NRIP2: variants seen among roughly 807,000 people sequenced by gnomAD.
NRIP2 encodes the protein nuclear receptor-interacting protein 2.
A neutral mutation model predicts 34.1 loss-of-function variants in NRIP2; 27 were observed. That is an observed-to-expected ratio of 0.79 (90% CI 0.58 to 1.09). The LOEUF (loss-of-function observed/expected upper bound fraction) is 1.09. Ranked by LOEUF, NRIP2 falls within the 50% of genes least tolerant of loss-of-function variation. The pLI, the probability that NRIP2 is intolerant of heterozygous loss-of-function variation, is 0.00. For synonymous variants in NRIP2, 145 were observed against 146.9 expected, an observed-to-expected ratio of 0.99 and a Z score of 0.09; for missense variants, 385 against 352.6, an observed-to-expected ratio of 1.09 and a Z score of -0.74.
chr12:2,828,256 A>G (rs777100354), intron 3 of NRIP2, 76 bp downstream of exon 3: 121 of 1,324,564 alleles, frequency 9.1e-5, no homozygotes, highest in Non-Finnish European at 1.3e-4. Flanking sequence ...TGTCGTCACT[A>G]TCTAATTTGA....
chr12:2,830,459 A>G, intron 2 of NRIP2: 1 of 440,496 alleles, frequency 2.3e-6, no homozygotes, highest in Non-Finnish European at 4.0e-6. Flanking sequence ...TACTTACTTA[A>G]TTTAAGTATT....
rs1248967733 is a variant in NRIP2, at chr12:2,827,768, C to T, written c.701-91G>A. 13 of 1,609,088 alleles carry T rather than the reference C, an allele frequency of 8.1e-6. No individual in the cohort carries two copies. Among genetic ancestry groups the T allele is most frequent in the Middle Eastern group, 2.1e-4 (1 of 4,722 alleles). On this transcript the variant is annotated intron_variant, in intron 4 of 5. Coordinates refer to ENST00000337508, the MANE Select transcript of NRIP2 (RefSeq NM_031474.3). This position sits in a 1 kb window ranked among gnomAD's most constrained non-coding sequence, Gnocchi z 4.0. Reference sequence around the variant, plus strand: ...AGCCGTTGCTCCTTCTCTGCCCACCCCATCCCCAGATCCGAGGACACTGGC... The same window carrying T: ...AGCCGTTGCTCCTTCTCTGCCCACCTCATCCCCAGATCCGAGGACACTGGC...
rs2097974429 is a variant in NRIP2 at position 2,827,520 on chromosome 12, C to G, written c.753+105G>C. 6 of 1,578,756 alleles carry G rather than the reference C, an allele frequency of 3.8e-6. No homozygotes were observed. The East Asian group carries it at 1.3e-4, about 35-fold the overall frequency. On this transcript the variant is annotated intron_variant, in intron 5 of 5. Transcript: ENST00000337508. This position sits in a 1 kb window ranked among gnomAD's most constrained non-coding sequence, Gnocchi z 4.0. ...CTCTAAGGAAGCAAAGGGACAGTTGCCCATCTCTAAGTCACTCTCATCAGA... is the reference window on the plus strand; with the variant it reads ...CTCTAAGGAAGCAAAGGGACAGTTGGCCATCTCTAAGTCACTCTCATCAGA...
intron 1 of NRIP2, among the ~76,000 whole-genome samples, chr12:2,833,729 G>A (rs1555087471): frequency 2.0e-5 from 3 of 152,150 alleles, no homozygotes; most frequent in East Asian, 3.9e-4. Context: ...ATAGCTGGGG[G>A]AATAATAATA....
chr12:2,829,350 A>G (rs1470951785), intron 2 of NRIP2, among the ~76,000 whole-genome samples: 1 of 152,248 alleles, frequency 6.6e-6, no homozygotes, highest in Non-Finnish European at 1.5e-5. Flanking sequence ...TCTCATTCCA[A>G]ACATTCATTG....
chr12:2,826,862 G>C lies in NRIP2; in HGVS notation c.*345C>G. 1 of 502,576 alleles carries C rather than the reference G, an allele frequency of 2.0e-6. No individual in the cohort carries two copies. 31.1% of individuals were successfully genotyped at this position (502,576 alleles called of 1,614,324 possible). A position where few individuals can be genotyped will look rare whatever the true frequency, so the allele number is the denominator to read the frequency against. ...GGGGTGGTATTGGGTGATGGACAAGGACAGCAGTCAGCAGAGCCTTCGACC... is the reference window on the plus strand; with the variant it reads ...GGGGTGGTATTGGGTGATGGACAAGCACAGCAGTCAGCAGAGCCTTCGACC... On this transcript the variant is annotated 3_prime_UTR_variant, in exon 6 of 6. Coordinates refer to ENST00000337508, the MANE Select transcript of NRIP2 (RefSeq NM_031474.3).
Position 2,827,576 on chromosome 12 carries a change from T to C in NRIP2, c.753+49A>G, listed in dbSNP as rs1170702416. The stretch of plus-strand genomic sequence containing the variant: ...GTCCAGGTTCCACACCTGTGCCTTC[T>C]ACTACTTTTTCCCAGTGCTTTGGGT... On this transcript the variant is annotated intron_variant, in intron 5 of 5. Coordinates refer to ENST00000337508, the MANE Select transcript of NRIP2 (RefSeq NM_031474.3). The surrounding 1 kb of genome is among the most constrained non-coding windows in gnomAD (Gnocchi z 4.0). 5 of 1,613,754 alleles carry C rather than the reference T, an allele frequency of 3.1e-6. No homozygotes were observed. The South Asian group carries it at 4.4e-5, about 14-fold the overall frequency.
In NRIP2 at chr12:2,827,919, G is replaced by T. The variant is rs975401424; in HGVS notation, c.700+7C>A. Reference sequence around the variant, plus strand: ...GCACCAGGGCTGTTGCAGAAGGGGGGACTTACCCACCACCTGTGCCGAGCA... The same window carrying T: ...GCACCAGGGCTGTTGCAGAAGGGGGTACTTACCCACCACCTGTGCCGAGCA... On this transcript the variant is annotated splice_region_variant and intron_variant, in intron 4 of 5. Transcript: ENST00000337508. The surrounding 1 kb of genome is among the most constrained non-coding windows in gnomAD (Gnocchi z 4.0). The T allele has an allele frequency of 2.7e-5, 44 of 1,613,948 alleles. No homozygotes were observed. Among genetic ancestry groups the T allele is most frequent in the Non-Finnish European group, 3.6e-5 (42 of 1,180,026 alleles).
intron 1 of NRIP2, among the ~76,000 whole-genome samples, chr12:2,831,733 T>C (rs1326035022): frequency 2.6e-5 from 4 of 152,030 alleles, no homozygotes; most frequent in Admixed American, 2.6e-4. Flanking sequence ...AATCTGTCCC[T>C]CCTTTCCTTC....
At position 2,828,395 on chromosome 12, in the gene NRIP2, C is replaced by G. The variant is rs1372230310; in HGVS notation, c.515G>C (p.Arg172Thr). The change falls in exon 3 of 6, where the codon AGA becomes ACA. Residue 172 changes from arginine (R) to threonine (T), a missense_variant. Coordinates refer to ENST00000337508, the MANE Select transcript of NRIP2 (RefSeq NM_031474.3). ...VNCKCQDQLL[R>T]VAVDTGTQYN... Reference sequence around the variant, plus strand: ...TTGGGTGCCTGTGTCAACGGCCACTCTAAGCAGCTGGTCCTGGCACTAAGA... The same window carrying G: ...TTGGGTGCCTGTGTCAACGGCCACTGTAAGCAGCTGGTCCTGGCACTAAGA... 1 of 1,614,006 alleles carries G rather than the reference C, an allele frequency of 6.2e-7. No homozygotes were observed. Among genetic ancestry groups the G allele is most frequent in the Non-Finnish European group, 8.5e-7 (1 of 1,180,018 alleles).
In NRIP2 at chr12:2,828,065, G is replaced by A. The variant is rs764442099; in HGVS notation, c.579-18C>T. 1 of 1,603,496 alleles carries A rather than the reference G, an allele frequency of 6.2e-7. No homozygotes were observed. Among genetic ancestry groups the A allele is most frequent in the Admixed American group, 1.7e-5 (1 of 59,532 alleles). On this transcript the variant is annotated intron_variant, in intron 3 of 5. Coordinates refer to ENST00000337508, the MANE Select transcript of NRIP2 (RefSeq NM_031474.3). ...TCTCTAACCTGTGGTTGGGAAGCAAGGGTTATGGCTACCACAGCCCCTAGA... is the reference window on the plus strand; with the variant it reads ...TCTCTAACCTGTGGTTGGGAAGCAAAGGTTATGGCTACCACAGCCCCTAGA...
intron 1 of NRIP2, among the ~76,000 whole-genome samples, chr12:2,831,816 C>CT (rs1440074015): frequency 2.0e-5 from 3 of 152,100 alleles, no homozygotes; most frequent in Non-Finnish European, 4.4e-5. Flanking sequence ...AGACTGGACT[C>CT]TAATTCCTTG....
chr12:2,828,148 C>A, intron 3 of NRIP2, 101 bp from the exon 4 acceptor site: 1 of 1,256,230 alleles, frequency 8.0e-7, no homozygotes, highest in Non-Finnish European at 1.1e-6. Context: ...ATCTCCAACC[C>A]CTGACCTCAC....
In NRIP2 at chr12:2,828,344, A is replaced by G. The variant is rs1482490845; in HGVS notation, c.566T>C (p.Leu189Pro). 3 of 1,614,026 alleles carry G rather than the reference A, an allele frequency of 1.9e-6. No homozygotes were observed. The highest frequency in any genetic ancestry group is 1.7e-6 in the Non-Finnish European group (2 of 1,180,012). ...GCCACATTCTTACCCCAGGCGGCTG[A>G]GACATCCAGCAGAGATCCGATTGTA... ...TQYNRISAGC[L>P]SRLGLEKRVL... Residue 189 changes from leucine (L) to proline (P), a missense_variant, in exon 3 of 6, where the codon CTC becomes CCC. Physicochemically the swap from Leu to Pro is moderately conservative, Grantham distance 98. Coordinates refer to ENST00000337508, the MANE Select transcript of NRIP2 (RefSeq NM_031474.3).
intron 1 of NRIP2, among the ~76,000 whole-genome samples, chr12:2,832,620 TC>T (rs916629567): frequency 8.6e-5 from 13 of 151,572 alleles, no homozygotes; most frequent in African/African-American, 3.2e-4. Flanking sequence ...CAAGCTGGGG[TC>T]CCTTGTCTTA....
At position 2,828,043 on chromosome 12, in the gene NRIP2, C is replaced by T. The variant is rs1196087647; in HGVS notation, c.583G>A (p.Glu195Lys). The change falls in exon 4 of 6, where the codon GAG (glutamate) becomes AAG (lysine). Residue 195 changes from glutamate (E) to lysine (K), a missense_variant. Glu to Lys is a moderately conservative substitution (Grantham distance 56). Coordinates refer to ENST00000337508, the MANE Select transcript of NRIP2 (RefSeq NM_031474.3). Reference protein sequence around the residue: ...SAGCLSRLGLEKRVLKASAGD... With the variant: ...SAGCLSRLGLKKRVLKASAGD... The stretch of plus-strand genomic sequence containing the variant: ...GCTGAGGCTTTTAGGACCCTTTTCT[C>T]TAACCTGTGGTTGGGAAGCAAGGGT... 6.2e-7 allele frequency: 1 copy of T among 1,613,196 alleles called. No individual in the cohort carries two copies. The highest frequency in any genetic ancestry group is 8.5e-7 in the Non-Finnish European group (1 of 1,179,560).
rs1226756329 is a variant in NRIP2 at position 2,828,319 on chromosome 12, G to T, written c.578+13C>A. On this transcript the variant is annotated intron_variant, in intron 3 of 5. Transcript: ENST00000337508. Reference sequence around the variant, plus strand: ...CCCTGTCCCCCACTTGCTTGTTTGGGCCACATTCTTACCCCAGGCGGCTGA... The same window carrying T: ...CCCTGTCCCCCACTTGCTTGTTTGGTCCACATTCTTACCCCAGGCGGCTGA... 4 of 1,612,798 alleles carry T rather than the reference G, an allele frequency of 2.5e-6. No homozygotes were observed. The highest frequency in any genetic ancestry group is 3.4e-6 in the Non-Finnish European group (4 of 1,179,140).
intron 1 of NRIP2, among the ~76,000 whole-genome samples, chr12:2,832,888 C>A (rs1391785382): frequency 6.6e-6 from 1 of 151,598 alleles, no homozygotes; most frequent in Non-Finnish European, 1.5e-5. Flanking sequence ...TTGCTCCTGG[C>A]AGCAAGGCTG....
intron 2 of NRIP2, 150 bp from the exon 3 acceptor site, chr12:2,828,564 G>A (rs2097982326): frequency 1.5e-6 from 1 of 663,926 alleles, no homozygotes; most frequent in Non-Finnish European, 2.6e-6. Flanking sequence ...TCGGGGCCAG[G>A]CGCGGTAGCT....
Sources: allele counts gnomAD v4.1 joint callset (sites outside exome capture counted in the v4.1 genomes callset), GRCh38; gene constraint gnomAD v4.1.1; non-coding constraint Gnocchi (gnomAD v3.1); transcripts MANE v1.5; gene names NCBI Gene and HGNC (gene_info 2026-07-23, HGNC 2026-07-21).